Variants in AKAP19 observed in about 807,000 individuals in gnomAD.
AKAP19 encodes the protein A-kinase anchoring protein 19.
At chr2:190,019,251 C>A in the AKAP19 span, among the ~76,000 whole-genome samples, 47 of 152,242 alleles carry the variant, frequency 3.1e-4, no homozygotes, top group African/African-American at 1.1e-3. Flanking sequence ...CAAAATGCAC[C>A]ATGGCAGTCT....
chr2:190,187,505 A>C, the AKAP19 span, among the ~76,000 whole-genome samples: 1 of 150,584 alleles, frequency 6.6e-6, no homozygotes, highest in Non-Finnish European at 1.5e-5. Context: ...ATTCCCAAGG[A>C]ATTTACTCCT....
the AKAP19 span, among the ~76,000 whole-genome samples, chr2:189,998,773 T>TC: frequency 1.1e-5 from 1 of 90,720 alleles, no homozygotes; most frequent in Admixed American, 9.9e-5. Context: ...CTTTCTTTCT[T>TC]TTTTTTTTTT....
At chr2:189,953,712 T>A in the AKAP19 span, among the ~76,000 whole-genome samples, 1 of 151,250 alleles carries the variant, frequency 6.6e-6, no homozygotes, top group South Asian at 2.1e-4. Flanking sequence ...ATCTATGAGG[T>A]GATATTGTTA....
the AKAP19 span, among the ~76,000 whole-genome samples, chr2:190,162,716 A>G: frequency 4.6e-5 from 7 of 152,346 alleles, no homozygotes; most frequent in Middle Eastern, 0.01. Flanking sequence ...AATAATAAAT[A>G]CAATTCAAAC....
chr2:190,022,906 T>A, the AKAP19 span, among the ~76,000 whole-genome samples: 139,238 of 152,056 alleles, frequency 0.92, 64,723 homozygotes, highest in Non-Finnish European at 1. Context: ...AGGTGAGATG[T>A]TAGAGTGGTT....
chr2:189,976,388 C>T, the AKAP19 span, among the ~76,000 whole-genome samples: 1 of 152,208 alleles, frequency 6.6e-6, no homozygotes, highest in African/African-American at 2.4e-5. Flanking sequence ...TCTGCCCCTA[C>T]TGGGGGGTGC....
the AKAP19 span, among the ~76,000 whole-genome samples, chr2:190,145,118 C>T: frequency 1.3e-5 from 2 of 152,186 alleles, no homozygotes; most frequent in East Asian, 3.9e-4. Context: ...GACTTCATCT[C>T]TACAAAAAAA....
chr2:189,993,274 A>T, the AKAP19 span, among the ~76,000 whole-genome samples: 1 of 152,128 alleles, frequency 6.6e-6, no homozygotes, highest in Non-Finnish European at 1.5e-5. Context: ...TTGAGATCAT[A>T]TGATTTCTGT....
chr2:190,143,511 A>T, the AKAP19 span, among the ~76,000 whole-genome samples: 1 of 152,268 alleles, frequency 6.6e-6, no homozygotes, highest in African/African-American at 2.4e-5. Context: ...CTTGTGCCTT[A>T]TCATCATATG....
the AKAP19 span, among the ~76,000 whole-genome samples, chr2:189,906,589 T>C: frequency 2.0e-5 from 3 of 152,258 alleles, no homozygotes; most frequent in East Asian, 5.8e-4. Context: ...AACAAGACTG[T>C]GTGTACAGTG....
chr2:190,191,504 G>A, the AKAP19 span, among the ~76,000 whole-genome samples: 2 of 152,198 alleles, frequency 1.3e-5, no homozygotes. Flanking sequence ...ATTTCTAGGA[G>A]TGGGATTGCT....
the AKAP19 span, among the ~76,000 whole-genome samples, chr2:190,059,779 A>G: frequency 6.6e-6 from 1 of 152,034 alleles, no homozygotes; most frequent in African/African-American, 2.4e-5. Context: ...AATGAAAAGC[A>G]CTTTATATTT....
At chr2:190,138,656 T>A in the AKAP19 span, among the ~76,000 whole-genome samples, 2 of 152,190 alleles carry the variant, frequency 1.3e-5, no homozygotes, top group African/African-American at 4.8e-5. Context: ...CCTCAACCTT[T>A]TAACAGGGCA....
the AKAP19 span, among the ~76,000 whole-genome samples, chr2:190,123,130 A>C: frequency 6.6e-6 from 1 of 152,156 alleles, no homozygotes; most frequent in African/African-American, 2.4e-5. Flanking sequence ...AGAATATTCA[A>C]GAAATATAGC....
At chr2:190,168,418 C>G in the AKAP19 span, among the ~76,000 whole-genome samples, 1 of 152,134 alleles carries the variant, frequency 6.6e-6, no homozygotes, top group Non-Finnish European at 1.5e-5. Flanking sequence ...CCCCACCCCC[C>G]CACCGCCCTC....
the AKAP19 span, chr2:190,079,856 G>GGTGTGTGTGTGTGTGTGTGTGTGT: frequency 1.4e-5 from 2 of 139,574 alleles, no homozygotes; most frequent in African/African-American, 5.2e-5. Context: ...AAAAATGAGG[G>GGTGTGTGTGTGTGTGTGTGTGTGT]GTGTGTGTGT....
chr2:189,908,199 C>CTTTT, the AKAP19 span, among the ~76,000 whole-genome samples: 22 of 141,308 alleles, frequency 1.6e-4, no homozygotes, highest in South Asian at 2.2e-4. Flanking sequence ...TTACTATATA[C>CTTTT]TTTTTTTTTT....
the AKAP19 span, among the ~76,000 whole-genome samples, chr2:189,976,437 A>G: frequency 6.6e-6 from 1 of 152,156 alleles, no homozygotes; most frequent in Admixed American, 6.5e-5. Context: ...GACCCACTTG[A>G]GGAGGCAGTC....
the AKAP19 span, among the ~76,000 whole-genome samples, chr2:190,059,612 AT>A: frequency 1.3e-5 from 2 of 151,982 alleles, no homozygotes; most frequent in African/African-American, 4.8e-5. Flanking sequence ...TTTAATTATA[AT>A]TTTAAAAGGT....
Sources: allele counts gnomAD v4.1 joint callset (sites outside exome capture counted in the v4.1 genomes callset), GRCh38; gene constraint gnomAD v4.1.1; transcripts MANE v1.5; gene names NCBI Gene and HGNC (gene_info 2026-07-23, HGNC 2026-07-21).